GABRG3: variants seen among roughly 807,000 people sequenced by gnomAD.
GABRG3 encodes the protein gamma-aminobutyric acid type A receptor subunit gamma3.
A neutral mutation model predicts 48.8 loss-of-function variants in GABRG3; 25 were observed. The ratio of observed to expected loss-of-function variants is 0.51; its 90% CI spans 0.37 to 0.72. The LOEUF is 0.72. GABRG3 is among the 30% of genes least tolerant of loss of function. The probability of loss-of-function intolerance (pLI) is 0.00; values close to 1 mark genes in which losing one functional copy is unlikely to be tolerated. For synonymous variants in GABRG3, 227 were observed against 217.6 expected (o/e 1.04, Z -0.38); for missense variants, 394 against 577.9 (o/e 0.68, Z 3.26).
At chr15:27,407,630 A>G (rs1887678171) in intron 5 of GABRG3, among the ~76,000 whole-genome samples, 1 of 152,242 alleles carries the variant, frequency 6.6e-6, no homozygotes, top group South Asian at 2.1e-4. Flanking sequence ...ATTCAGGGCT[A>G]GTAATAAATG....
chr15:27,193,627 C>T (rs1888403075), intron 3 of GABRG3, among the ~76,000 whole-genome samples: 1 of 152,196 alleles, frequency 6.6e-6, no homozygotes, highest in Admixed American at 6.5e-5. Context: ...TCTGTCACCC[C>T]TTTCTTTGAC....
At chr15:26,987,053 T>G (rs542804588) in intron 2 of GABRG3, among the ~76,000 whole-genome samples, 14 of 152,284 alleles carry the variant, frequency 9.2e-5, no homozygotes, top group Admixed American at 5.9e-4. Flanking sequence ...GTCAGGAGAT[T>G]GAGACCATCC....
intron 6 of GABRG3, among the ~76,000 whole-genome samples, chr15:27,498,977 G>A (rs1183170502): frequency 6.6e-6 from 1 of 152,194 alleles, no homozygotes; most frequent in Non-Finnish European, 1.5e-5. Flanking sequence ...TGATGTGGCT[G>A]CGCTTAGTCC....
chr15:27,341,617 G>T (rs1894181419), intron 5 of GABRG3, among the ~76,000 whole-genome samples: 1 of 152,114 alleles, frequency 6.6e-6, no homozygotes, highest in Non-Finnish European at 1.5e-5. Flanking sequence ...GAAGAGATGA[G>T]GTCATCTGCC....
At chr15:27,496,658 A>G (rs1334076563) in intron 6 of GABRG3, among the ~76,000 whole-genome samples, 1 of 152,194 alleles carries the variant, frequency 6.6e-6, no homozygotes, top group Non-Finnish European at 1.5e-5. Context: ...TGGATAGGGT[A>G]AAGTATGTAG....
chr15:27,322,632 C>T (rs766592545), intron 3 of GABRG3, among the ~76,000 whole-genome samples: 19 of 152,046 alleles, frequency 1.2e-4, no homozygotes, highest in Non-Finnish European at 2.2e-4. Flanking sequence ...TAATCCAATC[C>T]GACACTTGCA....
intron 5 of GABRG3, among the ~76,000 whole-genome samples, chr15:27,454,486 C>T (rs1310907979): frequency 3.9e-5 from 6 of 152,158 alleles, no homozygotes; most frequent in Admixed American, 1.3e-4. Flanking sequence ...CCTGGTGACA[C>T]GGGTGTGACT....
At chr15:27,407,177 T>C (rs1395313036) in intron 5 of GABRG3, among the ~76,000 whole-genome samples, 1 of 152,114 alleles carries the variant, frequency 6.6e-6, no homozygotes, top group Admixed American at 6.5e-5. Context: ...CCACCCAACT[T>C]GGCCTCCCAA....
At chr15:27,529,110 A>C (rs1180095805) in intron 9 of GABRG3, among the ~76,000 whole-genome samples, 4 of 152,180 alleles carry the variant, frequency 2.6e-5, no homozygotes, top group Non-Finnish European at 5.9e-5. Context: ...TATGCTTGAC[A>C]TTATGTTCTC....
rs1319181829 is a variant in GABRG3, at chr15:27,539,008, G to A, written c.*6127G>A. 1 of 152,062 alleles carries A rather than the reference G, an allele frequency of 6.6e-6. No homozygotes were observed. The highest frequency in any genetic ancestry group is 1.5e-5 in the Non-Finnish European group (1 of 68,004). 9.4% of individuals were successfully genotyped at this position (152,062 alleles called of 1,614,324 possible). ...TTGTCACTAACCACTTTTTAAAAAA[G>A]AACTGAAATTCCCATTTTTTGTTAA... On this transcript the variant is annotated 3_prime_UTR_variant, in exon 10 of 10. Coordinates refer to ENST00000615808, the MANE Select transcript of GABRG3 (RefSeq NM_033223.5).
At chr15:27,428,300 A>G (rs186114967) in intron 5 of GABRG3, 179 of 152,360 alleles carry the variant, frequency 1.2e-3, no homozygotes, top group African/African-American at 4.1e-3. Context: ...TAACATGCAC[A>G]GTTCCCACTA....
At chr15:27,051,656 G>A (rs565638393) in intron 3 of GABRG3, among the ~76,000 whole-genome samples, 11 of 152,318 alleles carry the variant, frequency 7.2e-5, no homozygotes, top group East Asian at 1.9e-4. Flanking sequence ...ACCAGGGACC[G>A]GTTTCATGGA....
At chr15:27,345,527 C>T (rs1270909107) in intron 5 of GABRG3, among the ~76,000 whole-genome samples, 1 of 152,110 alleles carries the variant, frequency 6.6e-6, no homozygotes, top group Non-Finnish European at 1.5e-5. Context: ...TTTTACTTAT[C>T]CATGTGTTAT....
intron 3 of GABRG3, among the ~76,000 whole-genome samples, chr15:27,198,392 A>G (rs772787371): frequency 2.0e-4 from 31 of 152,252 alleles, no homozygotes; most frequent in Non-Finnish European, 3.5e-4. Flanking sequence ...AACATATGAA[A>G]AAAAGATCAT....
At position 27,519,875 on chromosome 15, in the gene GABRG3, C is replaced by T. The variant is rs531803801; in HGVS notation, c.713-97C>T. 5.8e-6 allele frequency: 5 copies of T among 860,098 alleles called. No homozygotes were observed. In the African/African-American group the frequency reaches 8.6e-5, roughly 15 times the overall value. The allele number at this position is 860,098 out of a possible 1,614,324, so 53.3% of individuals were successfully genotyped here. On this transcript the variant is annotated intron_variant, in intron 6 of 9. Transcript: ENST00000615808. ...TATTGTTGTAGTTGTGCATTTTTAT[C>T]CAAGTCATTCACTTAACAAAATAAA...
chr15:26,971,731 C>G, intron 1 of GABRG3, 143 bp downstream of exon 1: 1 of 871,554 alleles, frequency 1.1e-6, no homozygotes, highest in Non-Finnish European at 1.6e-6. Flanking sequence ...GGAAGTCGGT[C>G]TGCACCTCAC....
At chr15:27,408,981 T>A (rs1887718041) in intron 5 of GABRG3, among the ~76,000 whole-genome samples, 1 of 152,190 alleles carries the variant, frequency 6.6e-6, no homozygotes, top group Non-Finnish European at 1.5e-5. Flanking sequence ...ATTAAGCCAA[T>A]TAAATGGATT....
chr15:27,073,393 T>G (rs1864795), intron 3 of GABRG3, among the ~76,000 whole-genome samples: 1 of 152,180 alleles, frequency 6.6e-6, no homozygotes, highest in Non-Finnish European at 1.5e-5. Flanking sequence ...ATGTGCCATT[T>G]GCTTCTGCTT....
At position 27,306,658 on chromosome 15, in the gene GABRG3, G is replaced by A. The variant is rs1375495214; in HGVS notation, c.271-20151G>A. 1.4e-3 allele frequency among the ~76,000 whole-genome samples: 72 copies of A among 52,930 alleles called. 5 individuals are homozygous for A. The highest frequency in any genetic ancestry group is 0.017 in the Middle Eastern group (1 of 60). 34.7% of individuals were successfully genotyped at this position (52,930 alleles called of 152,430 possible). On this transcript the variant is annotated intron_variant, in intron 3 of 9. Transcript: ENST00000615808. Reference sequence around the variant, plus strand: ...TATATTTATATATAAACATATATATGAACATGTTTATATATAAACATATAT... The same window carrying A: ...TATATTTATATATAAACATATATATAAACATGTTTATATATAAACATATAT...
Sources: gnomAD v4.1 joint callset for allele counts (sites outside exome capture counted in the v4.1 genomes callset) on GRCh38, gnomAD v4.1.1 for gene constraint, MANE v1.5 for transcripts, NCBI Gene and HGNC (gene_info 2026-07-23, HGNC 2026-07-21) for gene names.